Variants in ADAM10 observed in about 807,000 individuals in gnomAD.
ADAM10 encodes the protein disintegrin and metalloproteinase domain-containing protein 10.
A neutral mutation model predicts 90.1 loss-of-function variants in ADAM10; 17 were observed. That is an observed-to-expected ratio of 0.19 (90% confidence interval 0.13 to 0.28). The LOEUF is 0.28. Ranked by LOEUF, ADAM10 falls within the 10% of genes least tolerant of loss-of-function variation. ADAM10 has a pLI of 1.00. For missense variants in ADAM10, 610 were observed against 914.3 expected (o/e 0.67, Z 4.29); for synonymous variants, 310 against 298.6 (o/e 1.04, Z -0.40).
In ADAM10 at chr15:58,655,711, G is replaced by GTGTGTATATATATATATATA. The variant is rs1212041296; in HGVS notation, c.585+9385_585+9386insTATATATATATATATACACA. 3.2e-4 allele frequency among the ~76,000 whole-genome samples: 17 copies of GTGTGTATATATATATATATA among 53,702 alleles called. 1 individual carries two copies. The highest frequency in any genetic ancestry group is 5.6e-4 in the South Asian group (1 of 1,770). 35.2% of individuals were successfully genotyped at this position (53,702 alleles called of 152,430 possible). ...ATTATATATAGTATATATATATATAGTATATATATATATATATATATATAT... is the reference window on the plus strand; with the variant it reads ...ATTATATATAGTATATATATATATAGTGTGTATATATATATATATATATATATATATATATATATATATAT... On this transcript the variant is annotated intron_variant, in intron 5 of 15. Coordinates refer to ENST00000260408, the MANE Select transcript of ADAM10 (RefSeq NM_001110.4).
rs1401186288 is a variant in ADAM10 at position 58,715,480 on chromosome 15, G to A, written c.206+2097C>T. Among the ~76,000 whole-genome samples the A allele has an allele frequency of 7.3e-5, 11 of 151,302 alleles. No individual in the cohort carries two copies. The East Asian group carries it at 1.7e-3, about 24-fold the overall frequency. ...GAGACCACATTACATGAGATTTCCT[G>A]GTTTCAGGTCCTTTTTTAGTGCCTC... is the stretch of plus-strand genomic sequence containing the variant. On this transcript the variant is annotated intron_variant, in intron 2 of 15. Coordinates refer to ENST00000260408, the MANE Select transcript of ADAM10 (RefSeq NM_001110.4).
intron 1 of ADAM10, among the ~76,000 whole-genome samples, chr15:58,728,506 G>A (rs1246676568): frequency 2.6e-5 from 4 of 151,694 alleles, no homozygotes; most frequent in African/African-American, 9.7e-5. Context: ...CATTTTGGGA[G>A]GCCAAAGAAG....
rs1285712346 is a variant in ADAM10 at position 58,729,987 on chromosome 15, AAAAC to A, written c.56-12264_56-12261del. On this transcript the variant is annotated intron_variant, in intron 1 of 15. Transcript: ENST00000260408. ...AAAAAACAAAAACAAAAACAAAAAC[AAAAC>A]AAACAAACAAACAAAAAAAAAAACT... Among the ~76,000 whole-genome samples the A allele has an allele frequency of 2.7e-4, 35 of 130,148 alleles. 2 individuals carry two copies. The highest frequency in any genetic ancestry group is 2.0e-3 in the South Asian group (7 of 3,428). 85.4% of individuals were successfully genotyped at this position (130,148 alleles called of 152,430 possible).
At chr15:58,621,262 CAAAAAAAAAAAAAAA>C (rs749439192) in intron 11 of ADAM10, among the ~76,000 whole-genome samples, 194 bp downstream of exon 11, 28 of 25,276 alleles carry the variant, frequency 1.1e-3, no homozygotes, top group African/African-American at 2.4e-3. Flanking sequence ...GACCCTGTCT[CAAAAAAAAAAAAAAA>C]AAAAAAAAAA....
intron 3 of ADAM10, among the ~76,000 whole-genome samples, chr15:58,680,945 C>G (rs1208589426): frequency 6.6e-6 from 1 of 152,192 alleles, no homozygotes; most frequent in East Asian, 1.9e-4. Flanking sequence ...AGCCTCCCAT[C>G]TAACTGAAAC....
intron 5 of ADAM10, 101 bp downstream of exon 5, chr15:58,664,996 T>C: frequency 1.0e-6 from 1 of 960,716 alleles, no homozygotes; most frequent in Non-Finnish European, 1.7e-6. Flanking sequence ...CACAGTGGTG[T>C]TAAGTCTTTC....
At chr15:58,640,638 G>T in intron 8 of ADAM10, 139 bp downstream of exon 8, 2 of 810,534 alleles carry the variant, frequency 2.5e-6, no homozygotes, top group Non-Finnish European at 2.0e-6. Context: ...ATGCTTATGA[G>T]TCTTGCCTAA....
At chr15:58,689,946 C>CA (rs1480266414) in intron 2 of ADAM10, among the ~76,000 whole-genome samples, 1 of 126,562 alleles carries the variant, frequency 7.9e-6, no homozygotes, top group Non-Finnish European at 1.7e-5. Context: ...AAAGACAGAC[C>CA]CCCCCCAAAA....
At chr15:58,698,104 G>T (rs560943268) in intron 2 of ADAM10, among the ~76,000 whole-genome samples, 1 of 152,124 alleles carries the variant, frequency 6.6e-6, no homozygotes, top group East Asian at 1.9e-4. Flanking sequence ...CAAGAAACAT[G>T]ATAAAGCAAG....
intron 14 of ADAM10, among the ~76,000 whole-genome samples, chr15:58,602,319 C>T (rs1233648786): frequency 6.6e-6 from 1 of 152,142 alleles, no homozygotes; most frequent in Non-Finnish European, 1.5e-5. Flanking sequence ...TAGTCCTACC[C>T]TTCCTATGTA....
intron 1 of ADAM10, among the ~76,000 whole-genome samples, chr15:58,720,389 ATTTTATTTTATTTTATTTTT>A (rs1266543971): frequency 1.1e-3 from 94 of 82,166 alleles, no homozygotes; most frequent in Admixed American, 3.5e-3. Context: ...ATTTTATTTT[ATTTTATTTTATTTTATTTTT>A]TTTTTTTTTG....
chr15:58,686,392 G>A (rs1286446023), intron 2 of ADAM10: 38 of 1,011,384 alleles, frequency 3.8e-5, no homozygotes, highest in East Asian at 5.2e-5. Flanking sequence ...CTGGGCCCTC[G>A]GAGCCCAGCG....
intron 1 of ADAM10, among the ~76,000 whole-genome samples, chr15:58,736,951 G>GA (rs1899450606): frequency 6.6e-6 from 1 of 150,748 alleles, no homozygotes; most frequent in Admixed American, 6.6e-5. Context: ...CCCATCTCTA[G>GA]TTTTTTTTTA....
chr15:58,746,748 T>C (rs1321142147), intron 1 of ADAM10, among the ~76,000 whole-genome samples: 1 of 152,154 alleles, frequency 6.6e-6, no homozygotes, highest in African/African-American at 2.4e-5. Context: ...CCATCACTAC[T>C]TTTTAAAATA....
Position 58,589,258 on chromosome 15 carries a change from C to T in ADAM10, c.*8289G>A, listed in dbSNP as rs1460457246. 1 of 152,224 alleles carries T rather than the reference C, an allele frequency of 6.6e-6. No homozygotes were observed. Among genetic ancestry groups the T allele is most frequent in the Non-Finnish European group, 1.5e-5 (1 of 68,046 alleles). The allele number at this position is 152,224 out of a possible 1,614,324, so 9.4% of individuals were successfully genotyped here. On this transcript the variant is annotated 3_prime_UTR_variant, in exon 16 of 16. Coordinates refer to ENST00000260408, the MANE Select transcript of ADAM10 (RefSeq NM_001110.4). Reference sequence around the variant, plus strand: ...GGCAATCCAGGGAATAGGAAAAGCACATCCAGAGTCATGAAAATAGCAAAG... The same window carrying T: ...GGCAATCCAGGGAATAGGAAAAGCATATCCAGAGTCATGAAAATAGCAAAG...
In ADAM10 at chr15:58,590,320, TTATCTGA is replaced by T. The variant is rs1232559534; in HGVS notation, c.*7220_*7226del. 2.0e-5 allele frequency: 3 copies of T among 152,252 alleles called. No homozygotes were observed. The highest frequency in any genetic ancestry group is 7.2e-5 in the African/African-American group (3 of 41,460). 9.4% of individuals were successfully genotyped at this position (152,252 alleles called of 1,614,324 possible). A position where few individuals can be genotyped will look rare whatever the true frequency, so the allele number is the denominator to read the frequency against. On this transcript the variant is annotated 3_prime_UTR_variant, in exon 16 of 16. Coordinates refer to ENST00000260408, the MANE Select transcript of ADAM10 (RefSeq NM_001110.4). Reference sequence around the variant, plus strand: ...TGGAATTGTACATTTATTCACATGATTATCTGATATCTATCTCACCTACAAGACCATA... The same window carrying T: ...TGGAATTGTACATTTATTCACATGATTATCTATCTCACCTACAAGACCATA...
intron 3 of ADAM10, among the ~76,000 whole-genome samples, chr15:58,681,740 A>C (rs1485366357): frequency 6.6e-6 from 1 of 152,218 alleles, no homozygotes; most frequent in Non-Finnish European, 1.5e-5. Context: ...AGAATTGTGA[A>C]TAAAGCAAAT....
At chr15:58,609,147 T>C (rs1308548830) in intron 14 of ADAM10, 3 of 152,156 alleles carry the variant, frequency 2.0e-5, no homozygotes, top group Admixed American at 6.6e-5. Context: ...CACTGCACCA[T>C]GGTACCAGAA....
At chr15:58,612,205 T>G (rs1450729908) in intron 11 of ADAM10, among the ~76,000 whole-genome samples, 5 of 152,130 alleles carry the variant, frequency 3.3e-5, no homozygotes, top group African/African-American at 4.8e-5. Context: ...GGTGGAGCCG[T>G]GTGTCCCAAA....
Sources: allele counts gnomAD v4.1 joint callset (sites outside exome capture counted in the v4.1 genomes callset), GRCh38; gene constraint gnomAD v4.1.1; transcripts MANE v1.5; gene names NCBI Gene and HGNC (gene_info 2026-07-23, HGNC 2026-07-21).